Variants in MAP3K8 observed in about 807,000 individuals in gnomAD.
The protein encoded by MAP3K8 is mitogen-activated protein kinase kinase kinase 8.
Under a neutral mutation model 45.8 loss-of-function variants are expected in MAP3K8, and 22 were observed. The ratio of observed to expected loss-of-function variants is 0.48; its 90% CI spans 0.34 to 0.69. The LOEUF is 0.69. Among genes scored for constraint, MAP3K8 ranks in the 30% least tolerant of loss-of-function variants. MAP3K8 has a pLI of 0.01. For synonymous variants in MAP3K8, 223 were observed against 214.3 expected (o/e 1.04, Z -0.36); for missense variants, 419 against 585.0 (o/e 0.72, Z 2.93).
At chr10:30,447,667 T>A (rs1020357691) in intron 3 of MAP3K8, 115 bp from the exon 4 acceptor site, 1 of 797,906 alleles carries the variant, frequency 1.3e-6, no homozygotes, top group Non-Finnish European at 2.2e-6. Context: ...GTGACATTAA[T>A]TTCATAACTG....
chr10:30,459,535 T>C (rs772230434), intron 8 of MAP3K8, 34 bp downstream of exon 8: 2 of 1,608,952 alleles, frequency 1.2e-6, no homozygotes, highest in Non-Finnish European at 1.7e-6. Flanking sequence ...GCACACTTAC[T>C]TCCCTTCTCT....
chr10:30,443,655 A>T (rs1245456058), intron 3 of MAP3K8, among the ~76,000 whole-genome samples: 1 of 152,252 alleles, frequency 6.6e-6, no homozygotes, highest in Admixed American at 6.5e-5. Context: ...GCCTGCATGA[A>T]TATAGATCGA....
At chr10:30,447,367 G>A (rs1836376159) in intron 3 of MAP3K8, among the ~76,000 whole-genome samples, 3 of 152,138 alleles carry the variant, frequency 2.0e-5, no homozygotes, top group South Asian at 4.1e-4. Context: ...CTCTGTATGC[G>A]TCATGTGTGA....
chr10:30,441,432 T>C (rs1370103522), intron 3 of MAP3K8, among the ~76,000 whole-genome samples: 2 of 152,162 alleles, frequency 1.3e-5, no homozygotes, highest in African/African-American at 4.8e-5. Context: ...GTGGGGATTA[T>C]AGGCGTGAGC....
At chr10:30,449,832 C>A (rs918803697) in intron 4 of MAP3K8, among the ~76,000 whole-genome samples, 6 of 152,058 alleles carry the variant, frequency 3.9e-5, no homozygotes, top group African/African-American at 1.4e-4. Flanking sequence ...AAATACATTG[C>A]TATAATAGAG....
At chr10:30,449,568 A>C (rs1485461308) in intron 4 of MAP3K8, among the ~76,000 whole-genome samples, 3 of 152,216 alleles carry the variant, frequency 2.0e-5, no homozygotes, top group African/African-American at 7.2e-5. Flanking sequence ...CTCACTTTTG[A>C]TTTAACAAAA....
intron 4 of MAP3K8, 44 bp from the exon 5 acceptor site, chr10:30,450,214 A>G: frequency 6.5e-7 from 1 of 1,533,754 alleles, no homozygotes; most frequent in Non-Finnish European, 8.8e-7. Context: ...TTTTAAGATG[A>G]CTTTGGGGTT....
intron 1 of MAP3K8, among the ~76,000 whole-genome samples, chr10:30,436,434 G>A (rs1835910055): frequency 6.6e-6 from 1 of 151,962 alleles, no homozygotes; most frequent in Non-Finnish European, 1.5e-5. Context: ...AAGTCTCAGC[G>A]TCAGACACTC....
At chr10:30,443,644 T>G (rs1836195387) in intron 3 of MAP3K8, among the ~76,000 whole-genome samples, 1 of 152,242 alleles carries the variant, frequency 6.6e-6, no homozygotes, top group Non-Finnish European at 1.5e-5. Flanking sequence ...CTAGATAATA[T>G]GCCTGCATGA....
At chr10:30,448,596 C>A (rs1836427306) in intron 4 of MAP3K8, among the ~76,000 whole-genome samples, 1 of 152,028 alleles carries the variant, frequency 6.6e-6, no homozygotes, top group East Asian at 1.9e-4. Flanking sequence ...CCATGCCCAG[C>A]TAATTTTTTG....
chr10:30,438,392 C>T (rs994522935), intron 2 of MAP3K8, among the ~76,000 whole-genome samples: 1 of 151,456 alleles, frequency 6.6e-6, no homozygotes, highest in African/African-American at 2.4e-5. Context: ...TCCATTTTTC[C>T]AGCTTCTGGC....
rs115181834 is a variant in MAP3K8, at chr10:30,439,361, C to T, written c.336+87C>T. 5,419 of 1,547,046 alleles carry T rather than the reference C, an allele frequency of 3.5e-3. 175 individuals carry two copies. In the African/African-American group the frequency reaches 0.063, roughly 18 times the overall value. ...AATGCAGAGTGGTGTTTGAATTTGG[C>T]TTAGATGGGCTGGCAGGCATGATTT... On this transcript the variant is annotated intron_variant, in intron 3 of 8. Coordinates refer to ENST00000263056, the MANE Select transcript of MAP3K8 (RefSeq NM_005204.4).
At position 30,450,266 on chromosome 10, in the gene MAP3K8, A is replaced by G; in HGVS notation, c.513A>G (p.Val171=). 1.3e-6 allele frequency: 2 copies of G among 1,599,366 alleles called. No homozygotes were observed. Among genetic ancestry groups the G allele is most frequent in the Non-Finnish European group, 1.7e-6 (2 of 1,170,466 alleles). The change falls in exon 5 of 9, where the codon GTA becomes GTG. Residue 171 remains valine (V), a synonymous_variant. Coordinates refer to ENST00000263056, the MANE Select transcript of MAP3K8 (RefSeq NM_005204.4). The stretch of plus-strand genomic sequence containing the variant: ...GTATTTTTGTGTTCTAGATCCCAGT[A>G]GATCAATTTAAGCCATCTGATGTGG... The part of the protein sequence containing the change: ...KKRMACKLIP[V]DQFKPSDVEI...
Position 30,459,257 on chromosome 10 carries a change from C to A in MAP3K8, c.1029C>A (p.Ile343=), listed in dbSNP as rs1452611036. ...TAAGAGAGCTGGTTTGTTGATAGAT[C>A]CACAAGCAAGCACCTCCACTGGAAG... ...RSAYPSYLYI[I]HKQAPPLEDI... The change falls in exon 8 of 9, where the codon ATC becomes ATA. Residue 343 remains isoleucine, a splice_region_variant and synonymous_variant. Coordinates refer to ENST00000263056, the MANE Select transcript of MAP3K8 (RefSeq NM_005204.4). 6.2e-7 allele frequency: 1 copy of A among 1,614,072 alleles called. No individual in the cohort carries two copies. Among genetic ancestry groups the A allele is most frequent in the South Asian group, 1.1e-5 (1 of 91,068 alleles).
chr10:30,458,409 C>T (rs1836823639), intron 7 of MAP3K8, among the ~76,000 whole-genome samples, 173 bp downstream of exon 7: 1 of 152,136 alleles, frequency 6.6e-6, no homozygotes, highest in Non-Finnish European at 1.5e-5. Flanking sequence ...TCCATTCTTG[C>T]AAAGAAAACA....
At chr10:30,447,484 G>A (rs867376951) in intron 3 of MAP3K8, among the ~76,000 whole-genome samples, 4 of 152,150 alleles carry the variant, frequency 2.6e-5, no homozygotes, top group Middle Eastern at 3.2e-3. Flanking sequence ...TTTGGTTGCC[G>A]TAGTCATGCT....
At chr10:30,444,767 C>A (rs980344450) in intron 3 of MAP3K8, among the ~76,000 whole-genome samples, 3 of 152,090 alleles carry the variant, frequency 2.0e-5, no homozygotes, top group African/African-American at 7.2e-5. Context: ...TTTTTATAAC[C>A]CGGCATTTAA....
At chr10:30,443,660 G>C (rs2062250932) in intron 3 of MAP3K8, among the ~76,000 whole-genome samples, 1 of 152,202 alleles carries the variant, frequency 6.6e-6, no homozygotes, top group African/African-American at 2.4e-5. Context: ...CATGAATATA[G>C]ATCGATACCA....
intron 4 of MAP3K8, among the ~76,000 whole-genome samples, chr10:30,448,368 G>A (rs1371539976): frequency 6.6e-6 from 1 of 151,496 alleles, no homozygotes; most frequent in African/African-American, 2.4e-5. Context: ...CAGATTTAAA[G>A]GGCTGAATTT....
Sources: gnomAD v4.1 joint callset for allele counts (sites outside exome capture counted in the v4.1 genomes callset) on GRCh38, gnomAD v4.1.1 for gene constraint, MANE v1.5 for transcripts, NCBI Gene and HGNC (gene_info 2026-07-23, HGNC 2026-07-21) for gene names.